TRHDE: variants seen among roughly 807,000 people sequenced by gnomAD.
The protein encoded by TRHDE is thyrotropin-releasing hormone-degrading ectoenzyme.
A neutral mutation model predicts 125.7 loss-of-function variants in TRHDE; 72 were observed. That is an observed-to-expected ratio of 0.57 (90% CI 0.47 to 0.70). TRHDE has a LOEUF of 0.70. Ranked by LOEUF, TRHDE falls within the 30% of genes least tolerant of loss-of-function variation. TRHDE has a pLI of 0.00. For synonymous variants in TRHDE, 509 were observed against 509.1 expected (o/e 1.00, Z 0.00); for missense variants, 1,110 against 1,327.1 (o/e 0.84, Z 2.54).
At position 72,621,151 on chromosome 12, in the gene TRHDE, G is replaced by A; in HGVS notation, c.2513G>A (p.Gly838Glu). The change falls in exon 14 of 19, where the codon GGG becomes GAG. Residue 838 changes from glycine (G) to glutamate (E), a missense_variant. Physicochemically the swap from Gly to Glu is moderately conservative, Grantham distance 98 (BLOSUM62 -2). This residue lies in a region of TRHDE where 527 missense variants were observed against 651.8 expected (regional missense o/e 0.81). Transcript: ENST00000261180. ...KQVATTYIKLGWPKNNFNGSL... is the reference protein window; with the variant it reads ...KQVATTYIKLEWPKNNFNGSL... ...GTTGCAACAACATATATCAAGCTTG[G>A]GTGGCCGAAAAATAATTTTAATGGA... 1.9e-6 allele frequency: 3 copies of A among 1,612,082 alleles called. No homozygotes were observed. Among genetic ancestry groups the A allele is most frequent in the Non-Finnish European group, 2.5e-6 (3 of 1,178,788 alleles).
chr12:72,165,914 A>G (rs927269019), intron 2 of TRHDE, among the ~76,000 whole-genome samples: 1 of 152,030 alleles, frequency 6.6e-6, no homozygotes, highest in Non-Finnish European at 1.5e-5. Context: ...TGACCTCATG[A>G]TCTGCCCGCC....
At chr12:72,387,637 C>G (rs1872478278) in intron 3 of TRHDE, among the ~76,000 whole-genome samples, 1 of 152,080 alleles carries the variant, frequency 6.6e-6, no homozygotes, top group East Asian at 1.9e-4. Flanking sequence ...GTGTTCCCAC[C>G]CAAATCTCAT....
chr12:72,500,855 T>C (rs888882760), intron 6 of TRHDE, among the ~76,000 whole-genome samples: 10 of 148,534 alleles, frequency 6.7e-5, no homozygotes, highest in African/African-American at 2.2e-4. Context: ...TGTTCTTTTT[T>C]TTTTTTTTTT....
At chr12:72,203,409 A>G (rs748765614) in intron 2 of TRHDE, among the ~76,000 whole-genome samples, 1 of 152,230 alleles carries the variant, frequency 6.6e-6, no homozygotes, top group Non-Finnish European at 1.5e-5. Flanking sequence ...CGGAGCTTGC[A>G]GTGAGCAGAG....
At chr12:72,637,772 A>G (rs1488588385) in intron 15 of TRHDE, among the ~76,000 whole-genome samples, 7 of 152,168 alleles carry the variant, frequency 4.6e-5, no homozygotes, top group Non-Finnish European at 7.3e-5. Flanking sequence ...CCCAGTAGTC[A>G]TTCAGGAGCA....
At chr12:72,116,525 G>GT (rs916773195) in intron 2 of TRHDE, among the ~76,000 whole-genome samples, 1 of 152,032 alleles carries the variant, frequency 6.6e-6, no homozygotes, top group African/African-American at 2.4e-5. Context: ...AGCATCTGTT[G>GT]TTTCCTGACT....
At chr12:72,350,284 A>G (rs565772371) in intron 2 of TRHDE, among the ~76,000 whole-genome samples, 1 of 152,022 alleles carries the variant, frequency 6.6e-6, no homozygotes, top group East Asian at 1.9e-4. Flanking sequence ...ATCCCTCCCC[A>G]TTTGGTGGAC....
chr12:72,201,806 C>T (rs1877565893), intron 2 of TRHDE, among the ~76,000 whole-genome samples: 1 of 152,178 alleles, frequency 6.6e-6, no homozygotes. Context: ...TCTGCTTTTT[C>T]AAATATTGAC....
intron 12 of TRHDE, among the ~76,000 whole-genome samples, chr12:72,602,137 G>A (rs1872234594): frequency 6.6e-6 from 1 of 152,088 alleles, no homozygotes; most frequent in African/African-American, 2.4e-5. Flanking sequence ...AGGACACTTA[G>A]TTGAAGGGAG....
chr12:72,201,060 T>G (rs1014441220), intron 2 of TRHDE, among the ~76,000 whole-genome samples: 3 of 152,266 alleles, frequency 2.0e-5, no homozygotes, highest in Admixed American at 1.3e-4. Context: ...TCATTAACTG[T>G]GTTAGTTTAG....
At chr12:72,118,797 A>G (rs548360359) in intron 2 of TRHDE, among the ~76,000 whole-genome samples, 27 of 151,980 alleles carry the variant, frequency 1.8e-4, no homozygotes, top group Non-Finnish European at 3.4e-4. Context: ...TGTGTCTAGA[A>G]ATCCATTTCT....
At chr12:72,460,873 G>A (rs920997268) in intron 3 of TRHDE, among the ~76,000 whole-genome samples, 1 of 152,118 alleles carries the variant, frequency 6.6e-6, no homozygotes, top group Non-Finnish European at 1.5e-5. Flanking sequence ...ACTGACAAAT[G>A]TTCCCTGTGC....
intron 10 of TRHDE, among the ~76,000 whole-genome samples, chr12:72,572,532 T>C (rs1200276525): frequency 1.3e-5 from 2 of 152,118 alleles, no homozygotes; most frequent in East Asian, 3.9e-4. Flanking sequence ...ATTTTAGGGA[T>C]ATAATTAACT....
intron 2 of TRHDE, among the ~76,000 whole-genome samples, chr12:72,290,755 A>T (rs1880056908): frequency 6.6e-6 from 1 of 152,220 alleles, no homozygotes; most frequent in Non-Finnish European, 1.5e-5. Context: ...GCTTGTTCAA[A>T]GCATGATGGC....
chr12:72,434,994 G>A (rs1286660541), intron 3 of TRHDE, among the ~76,000 whole-genome samples: 4 of 152,166 alleles, frequency 2.6e-5, no homozygotes, highest in Non-Finnish European at 5.9e-5. Context: ...TGTGTAGTGG[G>A]AATTACAGAA....
chr12:72,259,923 A>G (rs763803722), intron 2 of TRHDE, among the ~76,000 whole-genome samples: 3 of 152,230 alleles, frequency 2.0e-5, no homozygotes, highest in Non-Finnish European at 2.9e-5. Context: ...CTATTTAGGC[A>G]TCATGTAAAT....
intron 9 of TRHDE, among the ~76,000 whole-genome samples, chr12:72,564,193 G>A (rs574920305): frequency 1.3e-5 from 2 of 151,530 alleles, no homozygotes; most frequent in East Asian, 3.9e-4. Flanking sequence ...TAGACTCATG[G>A]ATTGTGCTAG....
intron 2 of TRHDE, among the ~76,000 whole-genome samples, chr12:72,123,707 A>G (rs1190322479): frequency 1.3e-5 from 2 of 152,096 alleles, no homozygotes; most frequent in Non-Finnish European, 2.9e-5. Context: ...AAATATATCC[A>G]CTTCTGAAAT....
intron 12 of TRHDE, among the ~76,000 whole-genome samples, chr12:72,597,713 G>GCA (rs1872015879): frequency 1.1e-3 from 20 of 18,480 alleles, no homozygotes; most frequent in Non-Finnish European, 1.6e-3. Context: ...GTGTGTGTAT[G>GCA]TATATATATA....
Sources: gnomAD v4.1 joint callset for allele counts (sites outside exome capture counted in the v4.1 genomes callset) on GRCh38, gnomAD v4.1.1 for gene constraint, gnomAD v4.1.1 regional missense constraint, MANE v1.5 for transcripts, NCBI Gene and HGNC (gene_info 2026-07-23, HGNC 2026-07-21) for gene names.